The following OLFML1 variants were observed in gnomAD, a reference collection of about 807,000 sequenced individuals.
The protein encoded by OLFML1 is olfactomedin like 1.
Under a neutral mutation model 37.3 loss-of-function variants are expected in OLFML1, and 33 were observed. That is an observed-to-expected ratio of 0.88 (90% CI 0.67 to 1.18). The LOEUF is 1.18. OLFML1 is among the 50% of genes most tolerant of loss of function. The pLI is 0.00. For synonymous variants in OLFML1, 186 were observed against 181.3 expected, an observed-to-expected ratio of 1.03 and a Z score of -0.21; for missense variants, 545 against 483.7, an observed-to-expected ratio of 1.13 and a Z score of -1.19.
At chr11:7,487,639 GT>G (rs901210449) in intron 1 of OLFML1, among the ~76,000 whole-genome samples, 6 of 151,168 alleles carry the variant, frequency 4.0e-5, no homozygotes, top group East Asian at 1.9e-4. Flanking sequence ...AAATACAAAG[GT>G]TTTTTTTTCC....
intron 2 of OLFML1, chr11:7,504,785 A>C (rs1848765495): frequency 6.6e-6 from 1 of 152,256 alleles, no homozygotes; most frequent in African/African-American, 2.4e-5. Flanking sequence ...TCTGGAACCC[A>C]TCTCACTATG....
Position 7,485,534 on chromosome 11 carries a change from CAATT to C in OLFML1, c.-339_-336del. ...TTCACCCCCCACCCCAATGCACACA[CAATT>C]AAGCCAGGAAGCAGCTTGCAACCAC... On this transcript the variant is annotated 5_prime_UTR_variant, in exon 1 of 3. The change abolishes the stop of an existing upstream ORF in the 5' untranslated region. Transcript: ENST00000329293. The C allele has an allele frequency of 4.5e-6, 1 of 224,318 alleles. No individual in the cohort carries two copies. The highest frequency in any genetic ancestry group is 1.1e-4 in the South Asian group (1 of 9,168). The allele number at this position is 224,318 out of a possible 1,614,324, so 13.9% of individuals were successfully genotyped here.
At chr11:7,490,808 T>A (rs935489871) in intron 2 of OLFML1, among the ~76,000 whole-genome samples, 1 of 152,200 alleles carries the variant, frequency 6.6e-6, no homozygotes, top group African/African-American at 2.4e-5. Flanking sequence ...GAGTAGGACA[T>A]GTCTGCATCC....
In OLFML1 at chr11:7,486,661, C is replaced by A. The variant is rs533947176; in HGVS notation, c.129+657C>A. ...GGCAGCCTGGACAGGCTCCCAGGGA[C>A]AAATGTAACCCTCCACCCTAGCCTT... On this transcript the variant is annotated intron_variant, in intron 1 of 2. Coordinates refer to ENST00000329293, the MANE Select transcript of OLFML1 (RefSeq NM_198474.4). Among the ~76,000 whole-genome samples the A allele has an allele frequency of 2.7e-4, 41 of 152,308 alleles. No homozygotes were observed. In the East Asian group the frequency reaches 5.8e-3, roughly 21 times the overall value.
At chr11:7,493,880 A>C (rs761863127) in intron 2 of OLFML1, among the ~76,000 whole-genome samples, 1 of 150,046 alleles carries the variant, frequency 6.7e-6, no homozygotes, top group Non-Finnish European at 1.5e-5. Context: ...GGCATTAGAG[A>C]TAGAATGTTG....
chr11:7,510,102 C>A lies in OLFML1; in HGVS notation c.1123C>A (p.Pro375Thr), dbSNP rs752858594. The A allele has an allele frequency of 6.2e-7, 1 of 1,614,212 alleles. No homozygotes were observed. The highest frequency in any genetic ancestry group is 1.7e-5 in the Admixed American group (1 of 60,036). Reference sequence around the variant, plus strand: ...AAGTCACTCCATGATCCATTACAACCCCAGAGATAAGCAGCTCTATGCCTG... The same window carrying A: ...AAGTCACTCCATGATCCATTACAACACCAGAGATAAGCAGCTCTATGCCTG... Reference protein sequence around the residue: ...PRSHSMIHYNPRDKQLYAWNE... With the variant: ...PRSHSMIHYNTRDKQLYAWNE... The change falls in exon 3 of 3, where the codon CCC (proline) becomes ACC (threonine). Residue 375 changes from proline (P) to threonine (T), a missense_variant. Coordinates refer to ENST00000329293, the MANE Select transcript of OLFML1 (RefSeq NM_198474.4).
intron 1 of OLFML1, among the ~76,000 whole-genome samples, chr11:7,486,784 CTAA>C (rs1270455373): frequency 6.6e-6 from 1 of 152,174 alleles, no homozygotes; most frequent in Middle Eastern, 3.2e-3. Flanking sequence ...CCTCTTATTG[CTAA>C]TAATTATTTT....
At chr11:7,505,199 G>GC (rs1848772225) in intron 2 of OLFML1, among the ~76,000 whole-genome samples, 1 of 151,600 alleles carries the variant, frequency 6.6e-6, no homozygotes, top group South Asian at 2.1e-4. Context: ...CTTCCACAGT[G>GC]CTGGGCTTAC....
In OLFML1 at chr11:7,488,286, C is replaced by A. The variant is rs143669812; in HGVS notation, c.289C>A (p.Arg97=). 6.2e-7 allele frequency: 1 copy of A among 1,614,044 alleles called. No individual in the cohort carries two copies. The part of the protein sequence containing the change: ...NLALRVERAQ[R]EIDYIQYLRE... ...GGCACTGAGAGTTGAACGTGCCCAA[C>A]GGGAGATTGACTACATACAATACCT... Residue 97 remains arginine, a synonymous_variant, in exon 2 of 3, where the codon CGG becomes AGG. Coordinates refer to ENST00000329293, the MANE Select transcript of OLFML1 (RefSeq NM_198474.4).
At chr11:7,508,776 G>A (rs1303255155) in intron 2 of OLFML1, among the ~76,000 whole-genome samples, 1 of 152,172 alleles carries the variant, frequency 6.6e-6, no homozygotes, top group Non-Finnish European at 1.5e-5. Flanking sequence ...GTTTAGGGTT[G>A]ATATTATATT....
rs781780720 is a variant in OLFML1 at position 7,509,416 on chromosome 11, TG to T, written c.440del (p.Gly147AlafsTer2). The T allele has an allele frequency of 1.2e-6, 2 of 1,608,456 alleles. No homozygotes were observed. Among genetic ancestry groups the T allele is most frequent in the Admixed American group, 1.7e-5 (1 of 59,628 alleles). On this transcript the variant is annotated frameshift_variant, in exon 3 of 3. Coordinates refer to ENST00000329293, the MANE Select transcript of OLFML1 (RefSeq NM_198474.4). LOFTEE classifies it high-confidence loss of function. ...TGGCCAGGCTGTGACAACATGCTGA[TG>T]GGCATAAAGTCTTTGAAAATAGTGA... ...LLNASCDNML[M>X]GIKSLKIVKK...
chr11:7,490,519 C>A (rs1251465369), intron 2 of OLFML1, among the ~76,000 whole-genome samples: 3 of 152,182 alleles, frequency 2.0e-5, no homozygotes, highest in Admixed American at 6.5e-5. Context: ...GTTGAGACTA[C>A]CCTTTCCCAT....
At chr11:7,508,113 T>C (rs1848807408) in intron 2 of OLFML1, among the ~76,000 whole-genome samples, 1 of 152,116 alleles carries the variant, frequency 6.6e-6, no homozygotes, top group African/African-American at 2.4e-5. Flanking sequence ...AAAATAGATA[T>C]ACGGTTCATT....
At chr11:7,497,456 C>T (rs1212130256) in intron 2 of OLFML1, among the ~76,000 whole-genome samples, 1 of 152,124 alleles carries the variant, frequency 6.6e-6, no homozygotes, top group Non-Finnish European at 1.5e-5. Flanking sequence ...ATTATGGAGA[C>T]CTGGCCTCTT....
At chr11:7,508,762 C>T (rs575898224) in intron 2 of OLFML1, among the ~76,000 whole-genome samples, 40 of 152,272 alleles carry the variant, frequency 2.6e-4, no homozygotes, top group Admixed American at 1.6e-3. Context: ...AAGATAATCT[C>T]GAGGTTTAGG....
In OLFML1 at chr11:7,510,528, T is replaced by G; in HGVS notation, c.*340T>G. On this transcript the variant is annotated 3_prime_UTR_variant, in exon 3 of 3. Coordinates refer to ENST00000329293, the MANE Select transcript of OLFML1 (RefSeq NM_198474.4). ...ACTCTGCCATCTTCCCTCCCACAAT[T>G]AGAGTTGTATGCCAGCCCCTAATAT... is the stretch of plus-strand genomic sequence containing the variant. The G allele has an allele frequency of 4.7e-6, 1 of 215,000 alleles. No individual in the cohort carries two copies. 13.3% of individuals were successfully genotyped at this position (215,000 alleles called of 1,614,324 possible). A position where few individuals can be genotyped will look rare whatever the true frequency, so the allele number is the denominator to read the frequency against.
intron 2 of OLFML1, among the ~76,000 whole-genome samples, chr11:7,505,957 A>C (rs1848780954): frequency 1.3e-5 from 2 of 152,218 alleles, no homozygotes; most frequent in South Asian, 4.1e-4. Context: ...TGCTCCAGAA[A>C]GATCAAGTAA....
chr11:7,495,953 T>C (rs1330444418), intron 2 of OLFML1, among the ~76,000 whole-genome samples: 2 of 152,212 alleles, frequency 1.3e-5, no homozygotes, highest in Non-Finnish European at 2.9e-5. Flanking sequence ...GTCTCCACCC[T>C]GCCCTGTATC....
intron 2 of OLFML1, among the ~76,000 whole-genome samples, chr11:7,495,578 G>A (rs1199087318): frequency 6.6e-6 from 1 of 152,066 alleles, no homozygotes; most frequent in Non-Finnish European, 1.5e-5. Flanking sequence ...TCTGTCTGGT[G>A]CTCTGTCCAT....
Sources: gnomAD v4.1 joint callset for allele counts (sites outside exome capture counted in the v4.1 genomes callset) on GRCh38, gnomAD v4.1.1 for gene constraint, MANE v1.5 for transcripts, NCBI Gene and HGNC (gene_info 2026-07-23, HGNC 2026-07-21) for gene names.